Variants in PPP2R2C observed in about 807,000 individuals in gnomAD.
PPP2R2C encodes the protein protein phosphatase 2 regulatory subunit Bgamma, also known as protein phosphatase 2, regulatory subunit B, gamma.
In PPP2R2C, 10 loss-of-function variants were observed where a neutral mutation model predicts 45.3. The observed-to-expected ratio is 0.22, with a 90% CI of 0.14 to 0.37. The LOEUF is 0.37. PPP2R2C is among the 10% of genes least tolerant of loss of function. PPP2R2C has a pLI of 1.00. For missense variants in PPP2R2C, 308 were observed against 619.7 expected, an observed-to-expected ratio of 0.50 and a Z score of 5.34; for synonymous variants, 257 against 245.4, an observed-to-expected ratio of 1.05 and a Z score of -0.44.
chr4:6,384,858 A>G, intron 1 of PPP2R2C: 2 of 985,380 alleles, frequency 2.0e-6, no homozygotes, highest in Non-Finnish European at 2.4e-6. Flanking sequence ...CTCTTTGCAG[A>G]CAGAAGTGCT....
chr4:6,365,583 G>A (rs1467835435), intron 5 of PPP2R2C, among the ~76,000 whole-genome samples: 1 of 152,200 alleles, frequency 6.6e-6, no homozygotes, highest in Non-Finnish European at 1.5e-5. Flanking sequence ...TGGGCTCAGG[G>A]TCCCTTGGCC....
chr4:6,449,342 C>G (rs1038692886), intron 1 of PPP2R2C, among the ~76,000 whole-genome samples: 1 of 152,224 alleles, frequency 6.6e-6, no homozygotes, highest in African/African-American at 2.4e-5. Flanking sequence ...AGAACAGGCG[C>G]GTCTCTAAGT....
At chr4:6,362,466 T>C (rs1412974924) in intron 5 of PPP2R2C, among the ~76,000 whole-genome samples, 1 of 152,190 alleles carries the variant, frequency 6.6e-6, no homozygotes, top group East Asian at 1.9e-4. Context: ...AGGACTGCCA[T>C]ACAGCTACTG....
chr4:6,469,434 T>C (rs915533916), intron 1 of PPP2R2C, among the ~76,000 whole-genome samples: 1 of 152,206 alleles, frequency 6.6e-6, no homozygotes, highest in African/African-American at 2.4e-5. Context: ...TTTGTGCACC[T>C]GGTTCTTCCG....
At chr4:6,461,215 C>T (rs1721303828) in intron 1 of PPP2R2C, among the ~76,000 whole-genome samples, 1 of 152,208 alleles carries the variant, frequency 6.6e-6, no homozygotes, top group South Asian at 2.1e-4. Context: ...CACGTGTGGA[C>T]ACTGAAGCAG....
At chr4:6,558,337 C>T (rs1725478289) in intron 1 of PPP2R2C, among the ~76,000 whole-genome samples, 1 of 152,196 alleles carries the variant, frequency 6.6e-6, no homozygotes, top group African/African-American at 2.4e-5. Flanking sequence ...GGAGAGCCAT[C>T]CATGGGGACA....
intron 1 of PPP2R2C, among the ~76,000 whole-genome samples, chr4:6,448,088 G>A (rs531411988): frequency 2.0e-5 from 3 of 152,230 alleles, no homozygotes; most frequent in African/African-American, 4.8e-5. Context: ...AGAAAACCCC[G>A]CACAGAGGAG....
intron 6 of PPP2R2C, among the ~76,000 whole-genome samples, chr4:6,335,460 G>C (rs944623319): frequency 6.6e-6 from 1 of 152,180 alleles, no homozygotes; most frequent in Non-Finnish European, 1.5e-5. Context: ...TGCAGGCAGA[G>C]AAAGGAGTGA....
chr4:6,546,209 G>A (rs1229874508), intron 1 of PPP2R2C, among the ~76,000 whole-genome samples: 1 of 152,172 alleles, frequency 6.6e-6, no homozygotes, highest in African/African-American at 2.4e-5. Flanking sequence ...AAGGCAAAAG[G>A]TTTCAAGTGT....
chr4:6,381,984 G>A, intron 1 of PPP2R2C: 1 of 1,438,556 alleles, frequency 7.0e-7, no homozygotes, highest in Non-Finnish European at 9.1e-7. Flanking sequence ...GAGAGCAGGG[G>A]AGGACAAGGC....
At chr4:6,392,744 C>T (rs1336690158) in intron 1 of PPP2R2C, among the ~76,000 whole-genome samples, 2 of 152,150 alleles carry the variant, frequency 1.3e-5, no homozygotes, top group Admixed American at 6.5e-5. Context: ...TGGGAAGCCA[C>T]GGTCTGACTT....
chr4:6,554,638 G>T (rs1425025861), intron 1 of PPP2R2C, among the ~76,000 whole-genome samples: 1 of 152,070 alleles, frequency 6.6e-6, no homozygotes. Flanking sequence ...GGCAGGCAGA[G>T]TACTTGAGGT....
intron 2 of PPP2R2C, among the ~76,000 whole-genome samples, chr4:6,531,442 G>A (rs1156898791): frequency 6.6e-6 from 1 of 152,224 alleles, no homozygotes; most frequent in Non-Finnish European, 1.5e-5. Flanking sequence ...CCAGGAGAGG[G>A]CAGCTACAAC....
At chr4:6,525,749 A>G (rs1330190615) in intron 2 of PPP2R2C, among the ~76,000 whole-genome samples, 2 of 151,966 alleles carry the variant, frequency 1.3e-5, no homozygotes, top group Non-Finnish European at 2.9e-5. Context: ...TGTCTCCCAG[A>G]CTGGAGTACA....
In PPP2R2C at chr4:6,378,817, C is replaced by T. The variant is rs963059186; in HGVS notation, c.169-245G>A. On this transcript the variant is annotated intron_variant, in intron 2 of 8. Transcript: ENST00000382599. The surrounding 1 kb of genome is among the most constrained non-coding windows in gnomAD (Gnocchi z 5.2). ...ACCCGAGCCGGCTAACTTGCTAATG[C>T]GAATGTTCCCCAGCGCCTGCTACAA... Among the ~76,000 whole-genome samples the T allele has an allele frequency of 6.6e-6, 1 of 151,976 alleles. No homozygotes were observed. Among genetic ancestry groups the T allele is most frequent in the Non-Finnish European group, 1.5e-5 (1 of 68,004 alleles).
chr4:6,550,804 C>A (rs1285551180), intron 1 of PPP2R2C, among the ~76,000 whole-genome samples: 1 of 152,160 alleles, frequency 6.6e-6, no homozygotes, highest in Non-Finnish European at 1.5e-5. Context: ...GGCCACCATG[C>A]CCAGCTAATT....
chr4:6,512,638 GTGGTGATGGTGCTGA>G (rs1359791539), intron 2 of PPP2R2C, among the ~76,000 whole-genome samples: 6 of 105,124 alleles, frequency 5.7e-5, no homozygotes, highest in East Asian at 3.4e-4. Flanking sequence ...GATGGTGATG[GTGGTGATGGTGCTGA>G]TGGTGGTGGT....
chr4:6,333,069 C>T (rs561654645), intron 7 of PPP2R2C, among the ~76,000 whole-genome samples: 2 of 152,346 alleles, frequency 1.3e-5, no homozygotes, highest in South Asian at 2.1e-4. Context: ...AGGGCCCAGG[C>T]TTCACCTAGA....
chr4:6,428,220 T>A (rs61154932), intron 1 of PPP2R2C, among the ~76,000 whole-genome samples: 3,969 of 152,298 alleles, frequency 0.026, 160 homozygotes, highest in African/African-American at 0.09. Context: ...CAGAAAGGTT[T>A]CAGGAGAGGA....
Sources: allele counts gnomAD v4.1 joint callset (sites outside exome capture counted in the v4.1 genomes callset), GRCh38; gene constraint gnomAD v4.1.1; non-coding constraint Gnocchi (gnomAD v3.1); transcripts MANE v1.5; gene names NCBI Gene and HGNC (gene_info 2026-07-23, HGNC 2026-07-21).